RBFOX1: variants seen among roughly 807,000 people sequenced by gnomAD.
RBFOX1 encodes the protein RNA binding protein fox-1 homolog 1.
A neutral mutation model predicts 57.7 loss-of-function variants in RBFOX1; 8 were observed. That is an observed-to-expected ratio of 0.14 (90% confidence interval 0.08 to 0.25). The LOEUF is 0.25. RBFOX1 is among the 10% of genes least tolerant of loss of function. RBFOX1 has a pLI of 1.00. For missense variants in RBFOX1, 611 were observed against 548.5 expected, an observed-to-expected ratio of 1.11 and a Z score of -1.14; for synonymous variants, 326 against 222.4, an observed-to-expected ratio of 1.47 and a Z score of -4.15.
chr16:5,390,849 G>A (rs2066389012), intron 1 of RBFOX1, among the ~76,000 whole-genome samples: 2 of 152,174 alleles, frequency 1.3e-5, no homozygotes, highest in African/African-American at 4.8e-5. Context: ...AGCTGTGGCA[G>A]CCATCTTGTC....
At chr16:5,831,274 T>G (rs562103734) in intron 3 of RBFOX1, among the ~76,000 whole-genome samples, 1 of 152,106 alleles carries the variant, frequency 6.6e-6, no homozygotes, top group South Asian at 2.1e-4. Flanking sequence ...GTGAGTGAGT[T>G]TTCCAGAGAT....
At chr16:7,331,266 G>A (rs2096690126) in intron 4 of RBFOX1, among the ~76,000 whole-genome samples, 1 of 152,198 alleles carries the variant, frequency 6.6e-6, no homozygotes, top group East Asian at 1.9e-4. Flanking sequence ...GGTGTTTGAA[G>A]CTCTCTCCCA....
intron 11 of RBFOX1, among the ~76,000 whole-genome samples, chr16:7,635,188 A>ATGAG (rs1026348998): frequency 2.0e-5 from 3 of 152,226 alleles, no homozygotes; most frequent in Non-Finnish European, 2.9e-5. Context: ...AAATTAATAC[A>ATGAG]TGAGTTTCAT....
intron 3 of RBFOX1, among the ~76,000 whole-genome samples, chr16:6,676,553 C>A (rs186159802): frequency 6.6e-6 from 1 of 152,034 alleles, no homozygotes; most frequent in Non-Finnish European, 1.5e-5. Context: ...AAACATTTAC[C>A]CCTATCAATA....
intron 1 of RBFOX1, among the ~76,000 whole-genome samples, chr16:6,186,515 G>T (rs1200220023): frequency 1.3e-5 from 2 of 152,170 alleles, no homozygotes; most frequent in Non-Finnish European, 2.9e-5. Context: ...GATGGATATA[G>T]TGAGGAGAGG....
Position 6,358,720 on chromosome 16 carries a change from A to T in RBFOX1, c.-64+41663A>T, listed in dbSNP as rs188625687. On this transcript the variant is annotated intron_variant, in intron 2 of 15. Transcript: ENST00000550418. ...AAGCTTGCAAGGCTAGTAAGAGGTGAAGCTGGAGTTTGGAACAGGGTTTAC... is the reference window on the plus strand; with the variant it reads ...AAGCTTGCAAGGCTAGTAAGAGGTGTAGCTGGAGTTTGGAACAGGGTTTAC... Among the ~76,000 whole-genome samples the T allele has an allele frequency of 3.3e-4, 50 of 152,328 alleles. No homozygotes were observed. The Middle Eastern group carries it at 0.01, about 31-fold the overall frequency.
chr16:6,959,472 C>G (rs1183132868), intron 3 of RBFOX1, among the ~76,000 whole-genome samples: 2 of 152,132 alleles, frequency 1.3e-5, no homozygotes, highest in Non-Finnish European at 2.9e-5. Context: ...GTTTCTAGGC[C>G]TGATCTCAAG....
chr16:7,538,765 C>T (rs1249518019), intron 5 of RBFOX1, among the ~76,000 whole-genome samples: 2 of 152,162 alleles, frequency 1.3e-5, no homozygotes, highest in East Asian at 1.9e-4. Context: ...ACATATACCA[C>T]TTGGAACTGG....
intron 1 of RBFOX1, among the ~76,000 whole-genome samples, chr16:6,084,400 C>T (rs79229687): frequency 6.6e-6 from 1 of 152,008 alleles, no homozygotes; most frequent in African/African-American, 2.4e-5. Context: ...TGAACAAACA[C>T]GTCCAGCTAT....
intron 4 of RBFOX1, among the ~76,000 whole-genome samples, chr16:7,319,034 T>C (rs1031614629): frequency 2.0e-5 from 3 of 152,192 alleles, no homozygotes; most frequent in African/African-American, 7.2e-5. Flanking sequence ...AAGTTTTAGA[T>C]GGTTAAGGCA....
At chr16:6,450,795 A>G (rs1260909995) in intron 2 of RBFOX1, among the ~76,000 whole-genome samples, 8 of 16,218 alleles carry the variant, frequency 4.9e-4, no homozygotes, top group African/African-American at 3.2e-3. Context: ...ATATACATAT[A>G]TATATGTATA....
At chr16:6,178,424 C>T (rs1339479751) in intron 1 of RBFOX1, among the ~76,000 whole-genome samples, 1 of 151,966 alleles carries the variant, frequency 6.6e-6, no homozygotes, top group Non-Finnish European at 1.5e-5. Flanking sequence ...ACCTCGTGAT[C>T]TGCCCACCTC....
chr16:6,237,302 A>T (rs1225289252), intron 1 of RBFOX1, among the ~76,000 whole-genome samples: 1 of 152,160 alleles, frequency 6.6e-6, no homozygotes, highest in Non-Finnish European at 1.5e-5. Flanking sequence ...AGTAAATCCT[A>T]CTTTTCCCTG....
chr16:7,087,037 G>A (rs1393886526), intron 4 of RBFOX1, among the ~76,000 whole-genome samples: 1 of 152,164 alleles, frequency 6.6e-6, no homozygotes, highest in Non-Finnish European at 1.5e-5. Context: ...CAATGACACC[G>A]TGGCGTCGGT....
chr16:6,874,714 G>A (rs1016305357), intron 3 of RBFOX1, among the ~76,000 whole-genome samples: 3 of 151,798 alleles, frequency 2.0e-5, no homozygotes, highest in African/African-American at 7.3e-5. Flanking sequence ...TTATAAGTGG[G>A]AGCTAAGCTA....
chr16:6,015,138 T>C (rs544756438), upstream of RBFOX1, among the ~76,000 whole-genome samples: 2 of 152,298 alleles, frequency 1.3e-5, no homozygotes, highest in African/African-American at 4.8e-5. Flanking sequence ...ATTACAGGTA[T>C]GAGCAAGAGC....
chr16:6,986,803 C>T (rs13338160), intron 3 of RBFOX1, among the ~76,000 whole-genome samples: 5,483 of 152,176 alleles, frequency 0.036, 313 homozygotes, highest in African/African-American at 0.12. Flanking sequence ...TAACTGAACA[C>T]GCTGTAGGGC....
At chr16:7,285,952 C>G (rs72769248) in intron 4 of RBFOX1, among the ~76,000 whole-genome samples, 67 of 152,292 alleles carry the variant, frequency 4.4e-4, no homozygotes, top group Non-Finnish European at 6.6e-4. Context: ...GATTTTTAAA[C>G]TGAGTCTCTG....
intron 4 of RBFOX1, among the ~76,000 whole-genome samples, chr16:7,101,367 A>T (rs747230500): frequency 9.9e-5 from 15 of 152,228 alleles, no homozygotes; most frequent in Non-Finnish European, 2.2e-4. Context: ...AAGAAATGTA[A>T]TACTCATCAG....
Sources: gnomAD v4.1 joint callset for allele counts (sites outside exome capture counted in the v4.1 genomes callset) on GRCh38, gnomAD v4.1.1 for gene constraint, MANE v1.5 for transcripts, NCBI Gene and HGNC (gene_info 2026-07-23, HGNC 2026-07-21) for gene names.